The following ABTB3 variants were observed in gnomAD, a reference collection of about 807,000 sequenced individuals.
ABTB3 encodes ankyrin repeat and BTB domain containing 3.
chr12:107,582,426 G>GTC, the ABTB3 span, among the ~76,000 whole-genome samples: 1 of 152,182 alleles, frequency 6.6e-6, no homozygotes, highest in Non-Finnish European at 1.5e-5. Flanking sequence ...AGGCAGTCCA[G>GTC]AGCCCTGGGA....
the ABTB3 span, chr12:107,319,743 C>G: frequency 7.2e-6 from 11 of 1,524,802 alleles, no homozygotes; most frequent in African/African-American, 1.4e-4. Context: ...GGGTCAGGCT[C>G]GGGCTCCGGC....
At chr12:107,522,261 G>A in the ABTB3 span, among the ~76,000 whole-genome samples, 1 of 152,056 alleles carries the variant, frequency 6.6e-6, no homozygotes, top group Admixed American at 6.6e-5. Flanking sequence ...TATGGATTTG[G>A]GGTGACAGAC....
At chr12:107,544,079 C>G in the ABTB3 span, 1 of 1,614,048 alleles carries the variant, frequency 6.2e-7, no homozygotes, top group Admixed American at 1.7e-5. Context: ...ATGCACTGCC[C>G]ACAAATGGAA....
chr12:107,582,764 G>A, the ABTB3 span, among the ~76,000 whole-genome samples: 5 of 152,138 alleles, frequency 3.3e-5, no homozygotes, highest in African/African-American at 1.2e-4. Context: ...CTCTGCCACC[G>A]GACTGTGCTG....
the ABTB3 span, among the ~76,000 whole-genome samples, chr12:107,542,508 C>T: frequency 1.3e-5 from 2 of 152,014 alleles, no homozygotes; most frequent in African/African-American, 2.4e-5. Flanking sequence ...GATATCAGCC[C>T]CTAACACTTC....
chr12:107,510,284 C>A, the ABTB3 span, among the ~76,000 whole-genome samples: 3 of 152,052 alleles, frequency 2.0e-5, no homozygotes, highest in African/African-American at 7.2e-5. Context: ...CAGGACTTAG[C>A]AGAGTCAGCT....
the ABTB3 span, among the ~76,000 whole-genome samples, chr12:107,437,768 G>A: frequency 6.6e-6 from 1 of 152,042 alleles, no homozygotes; most frequent in African/African-American, 2.4e-5. Context: ...GGCCCCACCT[G>A]GGTAATCTCA....
chr12:107,322,039 G>T, the ABTB3 span, among the ~76,000 whole-genome samples: 1 of 152,150 alleles, frequency 6.6e-6, no homozygotes, highest in African/African-American at 2.4e-5. Context: ...TGTAAAATAG[G>T]GGGCTAGATA....
chr12:107,428,020 T>A, the ABTB3 span, among the ~76,000 whole-genome samples: 1 of 152,076 alleles, frequency 6.6e-6, no homozygotes, highest in African/African-American at 2.4e-5. Context: ...TTCCACCTCA[T>A]CTCCTCATGC....
the ABTB3 span, chr12:107,318,492 G>C: frequency 6.4e-6 from 1 of 156,978 alleles, no homozygotes; most frequent in African/African-American, 2.4e-5. Context: ...AACCAGGGCC[G>C]GGAACTGGGA....
chr12:107,475,205 T>C, the ABTB3 span, among the ~76,000 whole-genome samples: 29 of 152,290 alleles, frequency 1.9e-4, no homozygotes, highest in African/African-American at 6.0e-4. Flanking sequence ...AATATCTCCC[T>C]GGACTCGAGG....
the ABTB3 span, among the ~76,000 whole-genome samples, chr12:107,412,498 CG>C: frequency 6.6e-6 from 1 of 152,156 alleles, no homozygotes; most frequent in Admixed American, 6.5e-5. Flanking sequence ...CCGAGGAACA[CG>C]GAAACGTAGG....
chr12:107,649,589 A>G, the ABTB3 span: 4 of 359,870 alleles, frequency 1.1e-5, no homozygotes, highest in African/African-American at 4.1e-5. Flanking sequence ...AAGGAATTTG[A>G]CTGAAAAGTC....
the ABTB3 span, among the ~76,000 whole-genome samples, chr12:107,519,654 A>T: frequency 1.3e-5 from 2 of 152,204 alleles, no homozygotes; most frequent in Admixed American, 6.5e-5. Context: ...GCAGAGGCGC[A>T]AGAGAGCAAG....
chr12:107,373,578 T>C, the ABTB3 span, among the ~76,000 whole-genome samples: 3 of 152,200 alleles, frequency 2.0e-5, 1 homozygote, highest in African/African-American at 7.2e-5. Flanking sequence ...GCAGCTGTGA[T>C]ATTATGCAGA....
chr12:107,540,850 A>T, the ABTB3 span, among the ~76,000 whole-genome samples: 1 of 152,140 alleles, frequency 6.6e-6, no homozygotes, highest in South Asian at 2.1e-4. Context: ...AAAAATTAAT[A>T]AATAGCCGGG....
chr12:107,371,557 G>A, the ABTB3 span, among the ~76,000 whole-genome samples: 1 of 152,178 alleles, frequency 6.6e-6, no homozygotes, highest in African/African-American at 2.4e-5. Context: ...TACTAGCAGA[G>A]GATTCGTTGC....
At chr12:107,502,090 A>G in the ABTB3 span, among the ~76,000 whole-genome samples, 3 of 149,298 alleles carry the variant, frequency 2.0e-5, no homozygotes, top group African/African-American at 7.4e-5. Flanking sequence ...TTTGAGATAG[A>G]GTCTTGCTCT....
the ABTB3 span, among the ~76,000 whole-genome samples, chr12:107,325,806 A>G: frequency 7.2e-5 from 11 of 152,338 alleles, no homozygotes; most frequent in Admixed American, 6.5e-4. Flanking sequence ...TATCTGTAAA[A>G]TGGGTATTAT....
Sources: allele counts gnomAD v4.1 joint callset (sites outside exome capture counted in the v4.1 genomes callset), GRCh38; gene constraint gnomAD v4.1.1; transcripts MANE v1.5; gene names NCBI Gene and HGNC (gene_info 2026-07-23, HGNC 2026-07-21).